The following GAB1 variants were observed in gnomAD, a reference collection of about 807,000 sequenced individuals.
GAB1 encodes GRB2-associated-binding protein 1.
In GAB1, 19 loss-of-function variants were observed where a neutral mutation model predicts 66.5. The observed-to-expected ratio is 0.29, with a 90% confidence interval of 0.20 to 0.42. GAB1 has a LOEUF of 0.42. Among genes scored for constraint, GAB1 ranks in the 10% least tolerant of loss-of-function variants. GAB1 has a pLI of 1.00. For synonymous variants in GAB1, 294 were observed against 301.4 expected (o/e 0.98, Z 0.25); for missense variants, 732 against 858.5 (o/e 0.85, Z 1.84).
At chr4:143,348,147 C>T (rs1233368403) in intron 1 of GAB1, among the ~76,000 whole-genome samples, 4 of 151,870 alleles carry the variant, frequency 2.6e-5, no homozygotes, top group Non-Finnish European at 5.9e-5. Context: ...AGAACTCTTA[C>T]TAACTTATAC....
intron 1 of GAB1, among the ~76,000 whole-genome samples, chr4:143,355,696 C>G (rs1729418549): frequency 6.6e-6 from 1 of 152,130 alleles, no homozygotes; most frequent in South Asian, 2.1e-4. Context: ...ACAGCTGATC[C>G]TACTGTAGTG....
intron 1 of GAB1, among the ~76,000 whole-genome samples, chr4:143,359,532 G>A (rs1227495258): frequency 1.3e-5 from 2 of 152,152 alleles, no homozygotes; most frequent in Non-Finnish European, 2.9e-5. Context: ...CCAGTTGTAG[G>A]ATTATTGGGT....
At chr4:143,393,545 A>C (rs1731288624) in intron 1 of GAB1, among the ~76,000 whole-genome samples, 1 of 152,240 alleles carries the variant, frequency 6.6e-6, no homozygotes, top group African/African-American at 2.4e-5. Flanking sequence ...ATTAATGTAT[A>C]AAGTGCATAG....
intron 6 of GAB1, among the ~76,000 whole-genome samples, chr4:143,441,026 T>C (rs561737624): frequency 2.0e-5 from 3 of 152,342 alleles, no homozygotes; most frequent in Admixed American, 2.0e-4. Flanking sequence ...ATTCTGTTCA[T>C]ATAACAACTT....
chr4:143,389,102 A>G (rs1419761580), intron 1 of GAB1, among the ~76,000 whole-genome samples: 1 of 152,234 alleles, frequency 6.6e-6, no homozygotes, highest in Non-Finnish European at 1.5e-5. Context: ...ATACTCACAG[A>G]AGGTGGTATT....
At position 143,474,367 on chromosome 4, in the gene GAB1, A is replaced by G. The variant is rs1422577061; in HGVS notation, c.*5178A>G. The stretch of plus-strand genomic sequence containing the variant: ...CGAGGGACATACAGTGATATAGGAA[A>G]TTTAAAAATTAAAATAATACCCAAA... On this transcript the variant is annotated 3_prime_UTR_variant, in exon 10 of 10. Coordinates refer to ENST00000262994, the MANE Select transcript of GAB1 (RefSeq NM_002039.4). 2 of 152,130 alleles carry G rather than the reference A, an allele frequency of 1.3e-5. No individual in the cohort carries two copies. Among genetic ancestry groups the G allele is most frequent in the African/African-American group, 4.8e-5 (2 of 41,444 alleles). 9.4% of individuals were successfully genotyped at this position (152,130 alleles called of 1,614,324 possible). A position where few individuals can be genotyped will look rare whatever the true frequency, so the allele number is the denominator to read the frequency against.
At chr4:143,366,175 A>T (rs754204530) in intron 1 of GAB1, among the ~76,000 whole-genome samples, 40 of 152,198 alleles carry the variant, frequency 2.6e-4, no homozygotes, top group Non-Finnish European at 5.6e-4. Context: ...CAGCTCTGAA[A>T]TTCAGTAATT....
chr4:143,468,958 T>G, intron 9 of GAB1, 73 bp from the exon 10 acceptor site: 1 of 1,470,152 alleles, frequency 6.8e-7, no homozygotes, highest in Non-Finnish European at 9.3e-7. Context: ...ATGTGTTTTG[T>G]GTTTTAAGAC....
rs3049718 is a variant in GAB1, at chr4:143,373,822, CCTCTCTCTCTCTCT to C, written c.72+36583_72+36596del. On this transcript the variant is annotated intron_variant, in intron 1 of 9. Coordinates refer to ENST00000262994, the MANE Select transcript of GAB1 (RefSeq NM_002039.4). ...CCAGCCTGGGTGATGGGAGTGAAAC[CCTCTCTCTCTCTCT>C]CTCTCTCTCTCTCTCTCTCTGTAAA... Among the ~76,000 whole-genome samples, 8 of 97,840 alleles carry C rather than the reference CCTCTCTCTCTCTCT, an allele frequency of 8.2e-5. 2 individuals carry two copies. In the East Asian group the frequency reaches 1.7e-3, roughly 20 times the overall value. 64.2% of individuals were successfully genotyped at this position (97,840 alleles called of 152,430 possible).
intron 1 of GAB1, among the ~76,000 whole-genome samples, chr4:143,342,517 T>TGA (rs1728853668): frequency 6.7e-6 from 1 of 149,898 alleles, no homozygotes. Flanking sequence ...ATTTGCAGAC[T>TGA]GAGAAAGTTT....
At chr4:143,420,927 A>G (rs1192229599) in intron 2 of GAB1, among the ~76,000 whole-genome samples, 3 of 152,016 alleles carry the variant, frequency 2.0e-5, no homozygotes, top group African/African-American at 7.2e-5. Flanking sequence ...TTGAGGTATA[A>G]CTTACTACTG....
chr4:143,462,069 T>G (rs60327697), intron 8 of GAB1, among the ~76,000 whole-genome samples: 9,240 of 152,210 alleles, frequency 0.061, 620 homozygotes, highest in African/African-American at 0.17. Flanking sequence ...CTGGGCAACA[T>G]AGCGAGACCT....
rs1483304681 is a variant in GAB1, at chr4:143,473,864, T to A, written c.*4675T>A. Reference sequence around the variant, plus strand: ...CTTCACTGAATCATATTTGGGAAGTTTGGGTAGGGTGAGGCTATCTTCTTC... The same window carrying A: ...CTTCACTGAATCATATTTGGGAAGTATGGGTAGGGTGAGGCTATCTTCTTC... On this transcript the variant is annotated 3_prime_UTR_variant, in exon 10 of 10. Coordinates refer to ENST00000262994, the MANE Select transcript of GAB1 (RefSeq NM_002039.4). 6.6e-6 allele frequency: 1 copy of A among 152,146 alleles called. No individual in the cohort carries two copies. Among genetic ancestry groups the A allele is most frequent in the Non-Finnish European group, 1.5e-5 (1 of 68,028 alleles). 9.4% of individuals were successfully genotyped at this position (152,146 alleles called of 1,614,324 possible).
chr4:143,375,697 A>C (rs1480475405), intron 1 of GAB1, among the ~76,000 whole-genome samples: 1 of 152,232 alleles, frequency 6.6e-6, no homozygotes. Context: ...CGAATATGAC[A>C]AATCATTTAG....
At chr4:143,408,623 G>A (rs28925889) in intron 1 of GAB1, among the ~76,000 whole-genome samples, 1 of 152,056 alleles carries the variant, frequency 6.6e-6, no homozygotes, top group Non-Finnish European at 1.5e-5. Context: ...TAGCTTTATT[G>A]TGTAGATGTC....
At chr4:143,377,508 A>G (rs966735539) in intron 1 of GAB1, among the ~76,000 whole-genome samples, 6 of 152,234 alleles carry the variant, frequency 3.9e-5, no homozygotes, top group African/African-American at 1.2e-4. Context: ...CGTTTTTCTC[A>G]GAACAGATCT....
At chr4:143,430,835 AT>A (rs1410380693) in intron 2 of GAB1, among the ~76,000 whole-genome samples, 3 of 152,202 alleles carry the variant, frequency 2.0e-5, no homozygotes, top group Admixed American at 2.0e-4. Context: ...CTTTTGCAAG[AT>A]TAATTTTTAC....
intron 1 of GAB1, among the ~76,000 whole-genome samples, chr4:143,366,971 C>G (rs1729908374): frequency 6.6e-6 from 1 of 151,830 alleles, no homozygotes; most frequent in African/African-American, 2.4e-5. Context: ...ACTTTTTTCC[C>G]AAATTTTTTC....
chr4:143,340,730 G>A (rs546117618), intron 1 of GAB1, among the ~76,000 whole-genome samples: 114 of 152,226 alleles, frequency 7.5e-4, no homozygotes, highest in African/African-American at 2.6e-3. Context: ...TCAAACTCCT[G>A]ACCTCAGGTG....
Sources: allele counts gnomAD v4.1 joint callset (sites outside exome capture counted in the v4.1 genomes callset), GRCh38; gene constraint gnomAD v4.1.1; transcripts MANE v1.5; gene names NCBI Gene and HGNC (gene_info 2026-07-23, HGNC 2026-07-21).